The following FAM167A variants were observed in gnomAD, a reference collection of about 807,000 sequenced individuals.
FAM167A encodes protein FAM167A.
A neutral mutation model predicts 14.9 loss-of-function variants in FAM167A; 23 were observed. The ratio of observed to expected loss-of-function variants is 1.55; its 90% CI spans 1.11 to 2.19. FAM167A has a LOEUF of 2.19. Among genes scored for constraint, FAM167A ranks in the 30% most tolerant of loss-of-function variants. FAM167A has a pLI of 0.00. For synonymous variants in FAM167A, 174 were observed against 117.7 expected (o/e 1.48, Z -3.10); for missense variants, 401 against 281.5 (o/e 1.42, Z -3.04).
At chr8:11,469,292 G>A (rs770750064), upstream of FAM167A, among the ~76,000 whole-genome samples, 10 of 152,168 alleles carry the variant, frequency 6.6e-5, no homozygotes, top group Non-Finnish European at 8.8e-5. Flanking sequence ...GCCTGCATTC[G>A]TTTTCTACAA....
intron 1 of FAM167A, among the ~76,000 whole-genome samples, chr8:11,461,036 A>G (rs904606986): frequency 1.3e-5 from 2 of 152,236 alleles, no homozygotes; most frequent in Admixed American, 6.5e-5. Context: ...CCGGTGAAAG[A>G]GGCTGCTGAG....
chr8:11,425,053 T>A (rs1805038777), intron 2 of FAM167A, among the ~76,000 whole-genome samples: 1 of 152,168 alleles, frequency 6.6e-6, no homozygotes, highest in South Asian at 2.1e-4. Context: ...TATGGGGGCT[T>A]TGACTGTGAT....
intron 1 of FAM167A, among the ~76,000 whole-genome samples, chr8:11,454,230 C>T (rs73209243): frequency 0.14 from 21,078 of 152,166 alleles, 1,976 homozygotes; most frequent in Non-Finnish European, 0.21. Context: ...GGCTGGAGAG[C>T]GGAGGCCCAC....
intron 2 of FAM167A, among the ~76,000 whole-genome samples, chr8:11,439,321 T>G (rs1453091119): frequency 6.6e-6 from 1 of 152,212 alleles, no homozygotes; most frequent in East Asian, 1.9e-4. Context: ...CGGAAGACAC[T>G]GGTGAGTATG....
intron 1 of FAM167A, among the ~76,000 whole-genome samples, chr8:11,453,514 G>A (rs11785710): frequency 0.52 from 78,996 of 152,098 alleles, 21,148 homozygotes; most frequent in East Asian, 0.68. Flanking sequence ...GATAAGGCAC[G>A]GGCCCAGTGG....
At chr8:11,458,430 T>C (rs1303024329) in intron 1 of FAM167A, among the ~76,000 whole-genome samples, 1 of 152,204 alleles carries the variant, frequency 6.6e-6, no homozygotes, top group Non-Finnish European at 1.5e-5. Context: ...GATCTATCTT[T>C]TTCCAGCATC....
intron 2 of FAM167A, among the ~76,000 whole-genome samples, chr8:11,439,241 T>C (rs1468998004): frequency 1.3e-5 from 2 of 152,266 alleles, no homozygotes; most frequent in Non-Finnish European, 2.9e-5. Context: ...CAAGCCTTCT[T>C]GCAGGATAGT....
At chr8:11,451,526 C>T (rs1050297991) in intron 1 of FAM167A, among the ~76,000 whole-genome samples, 2 of 152,220 alleles carry the variant, frequency 1.3e-5, no homozygotes, top group African/African-American at 4.8e-5. Context: ...ATCCAACACC[C>T]TCTCCTTTCC....
chr8:11,468,571 G>A (rs1706781256), upstream of FAM167A, among the ~76,000 whole-genome samples: 1 of 151,906 alleles, frequency 6.6e-6, no homozygotes, highest in Non-Finnish European at 1.5e-5. Context: ...TGGGGATAAA[G>A]CATCCTTCTG....
chr8:11,456,690 A>T (rs114386862), intron 1 of FAM167A, among the ~76,000 whole-genome samples: 5,150 of 151,452 alleles, frequency 0.034, 281 homozygotes, highest in African/African-American at 0.12. Context: ...AGTTAGTGAC[A>T]TGTGCAGAGC....
chr8:11,430,200 G>A (rs1805480916), intron 2 of FAM167A, among the ~76,000 whole-genome samples: 1 of 152,326 alleles, frequency 6.6e-6, no homozygotes, highest in East Asian at 1.9e-4. Context: ...TCTCAGAGGT[G>A]CAGCCTGTAA....
intron 2 of FAM167A, among the ~76,000 whole-genome samples, chr8:11,437,720 A>G (rs1806125588): frequency 6.6e-6 from 1 of 152,208 alleles, no homozygotes; most frequent in Non-Finnish European, 1.5e-5. Context: ...TGCCTCACCC[A>G]GTAGTCACTA....
At chr8:11,444,840 G>A (rs1340982881) in intron 1 of FAM167A, 32 bp from the exon 2 acceptor site, 7 of 993,448 alleles carry the variant, frequency 7.0e-6, no homozygotes, top group East Asian at 1.1e-4. Context: ...CATCAGTCCC[G>A]ATCCCTGCCC....
At chr8:11,448,290 G>A (rs1056406553) in intron 1 of FAM167A, among the ~76,000 whole-genome samples, 1 of 152,148 alleles carries the variant, frequency 6.6e-6, no homozygotes, top group Admixed American at 6.5e-5. Flanking sequence ...ACAGCCATGA[G>A]GCTAGTTCTG....
At chr8:11,461,720 G>A (rs780119409) in intron 1 of FAM167A, among the ~76,000 whole-genome samples, 4 of 152,216 alleles carry the variant, frequency 2.6e-5, no homozygotes, top group Admixed American at 6.5e-5. Flanking sequence ...GAATCCACAG[G>A]ATAATTGGCT....
intron 1 of FAM167A, among the ~76,000 whole-genome samples, chr8:11,448,193 TAA>T (rs34728701): frequency 0.33 from 44,782 of 135,368 alleles, 7,475 homozygotes; most frequent in East Asian, 0.66. Flanking sequence ...GACTCTGTCT[TAA>T]AAAAAAAAAA....
chr8:11,471,709 C>T (rs1807965979), upstream of FAM167A, among the ~76,000 whole-genome samples: 1 of 152,230 alleles, frequency 6.6e-6, no homozygotes, highest in Non-Finnish European at 1.5e-5. Flanking sequence ...TGCGCTTTCT[C>T]CAGGCAAGAT....
intron 1 of FAM167A, among the ~76,000 whole-genome samples, chr8:11,449,304 T>TTG (rs1052971359): frequency 1.3e-5 from 2 of 152,210 alleles, no homozygotes; most frequent in African/African-American, 2.4e-5. Flanking sequence ...GCAGAAAAGC[T>TTG]TGTCACTGCT....
chr8:11,454,340 C>T (rs1343688435), intron 1 of FAM167A, among the ~76,000 whole-genome samples: 1 of 152,244 alleles, frequency 6.6e-6, no homozygotes, highest in African/African-American at 2.4e-5. Flanking sequence ...CACTCAAGGA[C>T]AGCATCTCCT....
Sources: allele counts gnomAD v4.1 joint callset (sites outside exome capture counted in the v4.1 genomes callset), GRCh38; gene constraint gnomAD v4.1.1; transcripts MANE v1.5; gene names NCBI Gene and HGNC (gene_info 2026-07-23, HGNC 2026-07-21).